LRRTM3: variants seen among roughly 807,000 people sequenced by gnomAD.
LRRTM3 encodes leucine rich repeat transmembrane neuronal 3.
LRRTM3 carries 24 observed loss-of-function variants against 44.7 expected under a neutral mutation model. That is an observed-to-expected ratio of 0.54 (90% CI 0.39 to 0.76). The LOEUF (loss-of-function observed/expected upper bound fraction) is 0.76, where lower values mean the gene tolerates loss of function less well. Among genes scored for constraint, LRRTM3 ranks in the 30% least tolerant of loss-of-function variants. LRRTM3 has a pLI of 0.00. For synonymous variants in LRRTM3, 277 were observed against 278.7 expected (o/e 0.99, Z 0.06); for missense variants, 587 against 702.2 (o/e 0.84, Z 1.85).
chr10:66,975,332 T>C (rs1849969316), intron 2 of LRRTM3, among the ~76,000 whole-genome samples: 1 of 152,178 alleles, frequency 6.6e-6, no homozygotes, highest in African/African-American at 2.4e-5. Flanking sequence ...CTGCTGTCTT[T>C]TGCAAAGTAT....
intron 2 of LRRTM3, among the ~76,000 whole-genome samples, chr10:67,014,017 A>G (rs537364569): frequency 4.5e-4 from 69 of 152,264 alleles, no homozygotes; most frequent in African/African-American, 1.4e-3. Context: ...TCTAAAAACA[A>G]GTGATGAAGG....
chr10:66,949,539 C>T (rs181353071), intron 2 of LRRTM3, among the ~76,000 whole-genome samples: 295 of 146,490 alleles, frequency 2.0e-3, no homozygotes, highest in Middle Eastern at 3.6e-3. Flanking sequence ...TCCTGGGCAA[C>T]AAGAGCAAAA....
chr10:66,948,091 A>G lies in LRRTM3; in HGVS notation c.1536+19639A>G, dbSNP rs1030650303. 5.3e-5 allele frequency among the ~76,000 whole-genome samples: 8 copies of G among 152,334 alleles called. No individual in the cohort carries two copies. The East Asian group carries it at 1.2e-3, about 22-fold the overall frequency. On this transcript the variant is annotated intron_variant, in intron 2 of 2. Transcript: ENST00000361320. ...ATAGAAAAGGTAGGATAAAAACACA[A>G]TATCATAACTTGTGGGATCACCATC...
At chr10:66,944,331 A>G (rs1848171532) in intron 2 of LRRTM3, among the ~76,000 whole-genome samples, 1 of 152,180 alleles carries the variant, frequency 6.6e-6, no homozygotes, top group African/African-American at 2.4e-5. Context: ...CTCCTCATCC[A>G]TTCAAGTTTG....
chr10:66,995,616 T>C (rs1477835248), intron 2 of LRRTM3, among the ~76,000 whole-genome samples: 1 of 152,234 alleles, frequency 6.6e-6, no homozygotes, highest in Non-Finnish European at 1.5e-5. Context: ...TCTACATCTC[T>C]ATATTTTTTT....
At chr10:67,051,334 T>A (rs1855078071) in intron 2 of LRRTM3, among the ~76,000 whole-genome samples, 1 of 152,102 alleles carries the variant, frequency 6.6e-6, no homozygotes, top group African/African-American at 2.4e-5. Flanking sequence ...GTCTTATCTA[T>A]GGAAAGGGAA....
At chr10:67,013,251 T>G (rs1050997621) in intron 2 of LRRTM3, among the ~76,000 whole-genome samples, 2 of 151,540 alleles carry the variant, frequency 1.3e-5, no homozygotes, top group African/African-American at 4.9e-5. Context: ...TTAAGTTGCC[T>G]CTCTTCATTT....
intron 2 of LRRTM3, among the ~76,000 whole-genome samples, chr10:67,028,809 CAAGT>C (rs1853548118): frequency 6.6e-6 from 1 of 152,076 alleles, no homozygotes; most frequent in Non-Finnish European, 1.5e-5. Context: ...AAGCATTCTA[CAAGT>C]AATTACATTA....
intron 2 of LRRTM3, among the ~76,000 whole-genome samples, chr10:67,019,999 G>C (rs889740788): frequency 8.7e-5 from 6 of 69,216 alleles, no homozygotes; most frequent in Non-Finnish European, 1.6e-4. Context: ...CAACATAATT[G>C]TGTTAATACC....
intron 2 of LRRTM3, among the ~76,000 whole-genome samples, chr10:66,939,682 A>G (rs1173381036): frequency 3.9e-5 from 6 of 152,202 alleles, no homozygotes; most frequent in African/African-American, 1.4e-4. Context: ...AGTATCTGTC[A>G]GCCTCTGGAC....
intron 2 of LRRTM3, among the ~76,000 whole-genome samples, chr10:67,011,725 ATGT>A (rs1178330794): frequency 6.6e-6 from 1 of 152,190 alleles, no homozygotes; most frequent in Non-Finnish European, 1.5e-5. Context: ...AGCACTTTAT[ATGT>A]ATGAACTAAT....
intron 2 of LRRTM3, among the ~76,000 whole-genome samples, chr10:67,039,123 C>T (rs1454345776): frequency 6.6e-6 from 1 of 151,908 alleles, no homozygotes; most frequent in Admixed American, 6.6e-5. Flanking sequence ...TGAACAAATG[C>T]CTCACACTGA....
At chr10:67,046,786 G>T (rs974753543) in intron 2 of LRRTM3, among the ~76,000 whole-genome samples, 1 of 152,114 alleles carries the variant, frequency 6.6e-6, no homozygotes, top group African/African-American at 2.4e-5. Flanking sequence ...TCAGAGCCTG[G>T]CAGGATATCT....
chr10:67,017,052 A>C (rs1852703507), intron 2 of LRRTM3, among the ~76,000 whole-genome samples: 1 of 152,206 alleles, frequency 6.6e-6, no homozygotes, highest in Non-Finnish European at 1.5e-5. Context: ...AAAATTAATG[A>C]GCCAAGATCT....
intron 2 of LRRTM3, among the ~76,000 whole-genome samples, chr10:67,004,274 A>G (rs1851848084): frequency 6.6e-6 from 1 of 152,194 alleles, no homozygotes; most frequent in East Asian, 1.9e-4. Flanking sequence ...CTCTTTATAA[A>G]ATTTCTTCCT....
intron 2 of LRRTM3, among the ~76,000 whole-genome samples, chr10:67,080,225 C>T (rs1371111053): frequency 1.3e-5 from 2 of 152,140 alleles, no homozygotes; most frequent in African/African-American, 4.8e-5. Flanking sequence ...GAGCCATTTT[C>T]TGCTGGATTG....
chr10:67,004,533 C>T (rs780727118), intron 2 of LRRTM3, among the ~76,000 whole-genome samples: 4 of 152,066 alleles, frequency 2.6e-5, no homozygotes, highest in Non-Finnish European at 5.9e-5. Context: ...TTTTGAAACA[C>T]AAGATATTTG....
chr10:67,052,885 T>C (rs10822967), intron 2 of LRRTM3, among the ~76,000 whole-genome samples: 53,793 of 152,042 alleles, frequency 0.35, 11,197 homozygotes, highest in East Asian at 0.51. Context: ...GTTTCGTAAA[T>C]TCTAAATGTA....
chr10:67,044,407 T>C (rs1337118084), intron 2 of LRRTM3, among the ~76,000 whole-genome samples: 2 of 152,176 alleles, frequency 1.3e-5, no homozygotes, highest in African/African-American at 2.4e-5. Flanking sequence ...CATTAACTTG[T>C]CAAAAATTAA....
Sources: allele counts gnomAD v4.1 joint callset (sites outside exome capture counted in the v4.1 genomes callset), GRCh38; gene constraint gnomAD v4.1.1; transcripts MANE v1.5; gene names NCBI Gene and HGNC (gene_info 2026-07-23, HGNC 2026-07-21).